The following CNTN5 variants were observed in gnomAD, a reference collection of about 807,000 sequenced individuals.
CNTN5 encodes the protein contactin-5.
Under a neutral mutation model 129.1 loss-of-function variants are expected in CNTN5, and 77 were observed. The ratio of observed to expected loss-of-function variants is 0.60; its 90% CI spans 0.50 to 0.72. CNTN5 has a LOEUF of 0.72. Among genes scored for constraint, CNTN5 ranks in the 30% least tolerant of loss-of-function variants. The probability of loss-of-function intolerance (pLI) is 0.00; values close to 1 mark genes in which losing one functional copy is unlikely to be tolerated. For synonymous variants in CNTN5, 509 were observed against 465.6 expected (o/e 1.09, Z -1.20); for missense variants, 1,478 against 1,328.8 (o/e 1.11, Z -1.75).
chr11:99,364,539 C>T (rs1939325240), intron 2 of CNTN5, among the ~76,000 whole-genome samples: 1 of 152,000 alleles, frequency 6.6e-6, no homozygotes, highest in Non-Finnish European at 1.5e-5. Flanking sequence ...AAGACCTTGC[C>T]TTTCTCTATC....
intron 3 of CNTN5, among the ~76,000 whole-genome samples, chr11:99,649,960 C>T (rs761562972): frequency 6.6e-6 from 1 of 151,676 alleles, no homozygotes; most frequent in Non-Finnish European, 1.5e-5. Flanking sequence ...CTTGGAATAC[C>T]TATATGTATG....
chr11:100,254,569 C>T (rs1342515639), intron 16 of CNTN5, among the ~76,000 whole-genome samples: 1 of 152,140 alleles, frequency 6.6e-6, no homozygotes, highest in Non-Finnish European at 1.5e-5. Context: ...GGTGGTTCTT[C>T]TCAGGTAACA....
intron 2 of CNTN5, among the ~76,000 whole-genome samples, chr11:99,490,860 T>G (rs568716254): frequency 6.6e-6 from 1 of 152,256 alleles, no homozygotes; most frequent in Non-Finnish European, 1.5e-5. Context: ...GGAGCCATCC[T>G]TAGGGAATCC....
chr11:100,058,244 C>A (rs988917018), intron 9 of CNTN5, among the ~76,000 whole-genome samples: 1 of 152,038 alleles, frequency 6.6e-6, no homozygotes, highest in Non-Finnish European at 1.5e-5. Flanking sequence ...AAAACTAACT[C>A]CACTGACGGT....
At chr11:99,836,211 G>A (rs1478720757) in intron 4 of CNTN5, among the ~76,000 whole-genome samples, 1 of 148,722 alleles carries the variant, frequency 6.7e-6, no homozygotes, top group African/African-American at 2.5e-5. Flanking sequence ...TGTTACATAT[G>A]TATACATGTG....
intron 2 of CNTN5, among the ~76,000 whole-genome samples, chr11:99,551,198 T>C (rs1289710361): frequency 2.6e-5 from 4 of 152,204 alleles, no homozygotes; most frequent in Non-Finnish European, 4.4e-5. Context: ...CCAGAATCTT[T>C]ATAATCATAA....
intron 16 of CNTN5, among the ~76,000 whole-genome samples, chr11:100,238,401 C>T (rs1267340737): frequency 1.8e-5 from 2 of 113,858 alleles, no homozygotes; most frequent in African/African-American, 7.1e-5. Flanking sequence ...TTAATCTCCT[C>T]ACTTGTCAAA....
chr11:99,808,358 A>AG (rs398039565), intron 3 of CNTN5, among the ~76,000 whole-genome samples: 34 of 152,078 alleles, frequency 2.2e-4, no homozygotes, highest in African/African-American at 7.7e-4. Flanking sequence ...GGCTACAAAA[A>AG]TCACAACCAC....
chr11:100,148,975 C>G (rs1946952957), intron 13 of CNTN5, among the ~76,000 whole-genome samples: 1 of 151,920 alleles, frequency 6.6e-6, no homozygotes, highest in South Asian at 2.1e-4. Context: ...ATTAGTCGAA[C>G]AAAATATTTG....
At chr11:99,829,747 A>G (rs1164002165) in intron 4 of CNTN5, among the ~76,000 whole-genome samples, 1 of 152,224 alleles carries the variant, frequency 6.6e-6, no homozygotes, top group Non-Finnish European at 1.5e-5. Context: ...ATTTGAGTAC[A>G]AAGAGTGACA....
rs1231195027 is a variant in CNTN5, at chr11:99,067,423, CT to C, written c.-210+46154del. Reference sequence around the variant, plus strand: ...AAGGGAAGCAGACAATCAATGTTGACTAAAAAAAAAAAAAAAAGGTGAAATC... The same window carrying C: ...AAGGGAAGCAGACAATCAATGTTGACAAAAAAAAAAAAAAAAGGTGAAATC... On this transcript the variant is annotated intron_variant, in intron 1 of 24. Coordinates refer to ENST00000524871, the MANE Select transcript of CNTN5 (RefSeq NM_014361.4). Among the ~76,000 whole-genome samples the C allele has an allele frequency of 5.8e-4, 49 of 84,338 alleles. 1 individual carries two copies. In the Admixed American group the frequency reaches 5.8e-3, roughly 10 times the overall value. 55.3% of individuals were successfully genotyped at this position (84,338 alleles called of 152,430 possible).
At position 99,296,756 on chromosome 11, in the gene CNTN5, G is replaced by T. The variant is rs546810909; in HGVS notation, c.-209-28590G>T. ...TGAATATCCACTTTTAATTAAGCTG[G>T]TTTTTAACCATAGTACTCTTTAATG... On this transcript the variant is annotated intron_variant, in intron 1 of 24. Coordinates refer to ENST00000524871, the MANE Select transcript of CNTN5 (RefSeq NM_014361.4). 4.6e-5 allele frequency among the ~76,000 whole-genome samples: 7 copies of T among 152,204 alleles called. No individual in the cohort carries two copies. The East Asian group carries it at 1.4e-3, about 29-fold the overall frequency.
In CNTN5 at chr11:99,761,727, G is replaced by T. The variant is rs534658023; in HGVS notation, c.56-57817G>T. Among the ~76,000 whole-genome samples, 4 of 149,380 alleles carry T rather than the reference G, an allele frequency of 2.7e-5. No individual in the cohort carries two copies. In the East Asian group the frequency reaches 7.9e-4, roughly 29 times the overall value. ...GTGAATAATGCCGCAATAAACATAC[G>T]TGTGCATGTGTCTTTATAGCAGCAT... On this transcript the variant is annotated intron_variant, in intron 3 of 24. Transcript: ENST00000524871.
intron 1 of CNTN5, among the ~76,000 whole-genome samples, chr11:99,284,100 T>C (rs1223830355): frequency 2.6e-5 from 4 of 152,154 alleles, no homozygotes; most frequent in Non-Finnish European, 5.9e-5. Flanking sequence ...AAGTGAATTA[T>C]GGTTCTCTTA....
At chr11:99,630,357 C>T (rs1376631109) in intron 3 of CNTN5, among the ~76,000 whole-genome samples, 1 of 151,798 alleles carries the variant, frequency 6.6e-6, no homozygotes, top group African/African-American at 2.4e-5. Flanking sequence ...ATCAGGGTGG[C>T]AGGGTTTATA....
intron 2 of CNTN5, among the ~76,000 whole-genome samples, chr11:99,328,846 G>T (rs1453901533): frequency 7.9e-6 from 1 of 126,618 alleles, no homozygotes; most frequent in Non-Finnish European, 1.7e-5. Context: ...CTCCAGCCTG[G>T]GCAACAAGAA....
At chr11:99,759,667 C>T (rs1944515307) in intron 3 of CNTN5, among the ~76,000 whole-genome samples, 1 of 126,430 alleles carries the variant, frequency 7.9e-6, no homozygotes, top group Non-Finnish European at 1.6e-5. Flanking sequence ...TGCCGGTAGT[C>T]AGACTAAGAA....
chr11:99,463,233 T>C (rs2135242987), intron 2 of CNTN5, among the ~76,000 whole-genome samples: 1 of 150,668 alleles, frequency 6.6e-6, no homozygotes. Context: ...GGTCAGGAGA[T>C]CGAGACCATC....
rs550345874 is a variant in CNTN5 at position 99,401,290 on chromosome 11, C to G, written c.-71+75806C>G. The stretch of plus-strand genomic sequence containing the variant: ...GAGATAGGGATCTAGTTTCATTGTT[C>G]TGCATATTGATATCCAGTTCACCTA... On this transcript the variant is annotated intron_variant, in intron 2 of 24. Coordinates refer to ENST00000524871, the MANE Select transcript of CNTN5 (RefSeq NM_014361.4). Among the ~76,000 whole-genome samples, 43 of 152,198 alleles carry G rather than the reference C, an allele frequency of 2.8e-4. 1 individual carries two copies. In the South Asian group the frequency reaches 5.0e-3, roughly 18 times the overall value.
Sources: gnomAD v4.1 joint callset for allele counts (sites outside exome capture counted in the v4.1 genomes callset) on GRCh38, gnomAD v4.1.1 for gene constraint, MANE v1.5 for transcripts, NCBI Gene and HGNC (gene_info 2026-07-23, HGNC 2026-07-21) for gene names.